Variants in SLC30A3 observed in about 807,000 individuals in gnomAD.
The protein encoded by SLC30A3 is probable proton-coupled zinc antiporter SLC30A3.
SLC30A3 carries 20 observed loss-of-function variants against 35.6 expected under a neutral mutation model. The observed-to-expected ratio is 0.56, with a 90% CI of 0.39 to 0.82. The LOEUF is 0.82. SLC30A3 is among the 40% of genes least tolerant of loss of function. SLC30A3 has a pLI of 0.00. For missense variants in SLC30A3, 401 were observed against 530.6 expected (o/e 0.76, Z 2.40); for synonymous variants, 217 against 224.7 (o/e 0.97, Z 0.31).
chr2:27,268,443 T>A (rs989806308), intron 1 of SLC30A3, among the ~76,000 whole-genome samples: 13 of 152,172 alleles, frequency 8.5e-5, no homozygotes, highest in South Asian at 8.3e-4. Flanking sequence ...TGCGGAGACC[T>A]GTTTGATTGC....
At chr2:27,266,519 T>C (rs1033023161), upstream of SLC30A3, among the ~76,000 whole-genome samples, 1 of 152,186 alleles carries the variant, frequency 6.6e-6, no homozygotes, top group African/African-American at 2.4e-5. Context: ...AAAGTAATGA[T>C]TGTTGAAGCT....
At chr2:27,272,982 G>C (rs1356136018) in intron 1 of SLC30A3, among the ~76,000 whole-genome samples, 4 of 150,076 alleles carry the variant, frequency 2.7e-5, no homozygotes, top group Admixed American at 2.7e-4. Flanking sequence ...AGCCCAGGAA[G>C]TTGTGGCTGC....
intron 1 of SLC30A3, among the ~76,000 whole-genome samples, chr2:27,270,670 T>C (rs1395626476): frequency 6.6e-6 from 1 of 152,166 alleles, no homozygotes; most frequent in Non-Finnish European, 1.5e-5. Flanking sequence ...AGTTTACAGG[T>C]AAGACAGGTG....
At chr2:27,266,060 CT>C (rs1237606332), upstream of SLC30A3, among the ~76,000 whole-genome samples, 1,672 of 136,578 alleles carry the variant, frequency 0.012, 13 homozygotes, top group African/African-American at 0.032. Flanking sequence ...CTGTTTTGTT[CT>C]TTTTTTTTTT....
chr2:27,259,050 G>A (rs1043034847), intron 1 of SLC30A3, 116 bp from the exon 2 acceptor site: 13 of 792,894 alleles, frequency 1.6e-5, no homozygotes, highest in Admixed American at 6.4e-5. Flanking sequence ...AGGCCTGGTC[G>A]TATCTGGGAG....
intron 1 of SLC30A3, chr2:27,275,051 TG>T (rs1262380200): frequency 8.6e-6 from 4 of 465,628 alleles, no homozygotes; most frequent in Middle Eastern, 3.4e-4. Flanking sequence ...GCATATGAGT[TG>T]GGTCTTCCAG....
chr2:27,272,763 G>T (rs1677779939), intron 1 of SLC30A3, among the ~76,000 whole-genome samples: 1 of 151,398 alleles, frequency 6.6e-6, no homozygotes, highest in African/African-American at 2.4e-5. Context: ...ATAAACATAT[G>T]TTCACCAGCT....
chr2:27,268,298 C>A (rs189613650), intron 1 of SLC30A3, among the ~76,000 whole-genome samples: 1 of 152,260 alleles, frequency 6.6e-6, no homozygotes, highest in East Asian at 1.9e-4. Flanking sequence ...ATCATTGTAT[C>A]CAAGGTACTA....
intron 1 of SLC30A3, among the ~76,000 whole-genome samples, chr2:27,261,760 G>A (rs1314360372): frequency 1.3e-5 from 2 of 152,060 alleles, no homozygotes; most frequent in Admixed American, 1.3e-4. Context: ...AAATCAAAAG[G>A]ACACCTGAAG....
In SLC30A3 at chr2:27,257,575, G is replaced by C. The variant is rs1437713969; in HGVS notation, c.579-223C>G. On this transcript the variant is annotated intron_variant, in intron 4 of 7. Transcript: ENST00000233535. The surrounding 1 kb of genome is among the most constrained non-coding windows in gnomAD (Gnocchi z 4.7). ...GTTACTTAAATAGATATGTGACTTGGGCAAGTCACCTGTTGGGATTGACTG... is the reference window on the plus strand; with the variant it reads ...GTTACTTAAATAGATATGTGACTTGCGCAAGTCACCTGTTGGGATTGACTG... 2 of 607,298 alleles carry C rather than the reference G, an allele frequency of 3.3e-6. No homozygotes were observed. Among genetic ancestry groups the C allele is most frequent in the South Asian group, 2.0e-5 (1 of 50,020 alleles). The allele number at this position is 607,298 out of a possible 1,614,324, so 37.6% of individuals were successfully genotyped here.
Position 27,271,449 on chromosome 2 carries a change from A to G in SLC30A3, c.-159+3728T>C, listed in dbSNP as rs1677722528. On this transcript the variant is annotated intron_variant, in intron 1 of 5. Coordinates refer to the SLC30A3 transcript ENST00000424577. The surrounding 1 kb of genome is among the most constrained non-coding windows in gnomAD (Gnocchi z 4.3). ...TTTTAGTCTGTAATCATTCTTTGGC[A>G]GTTATTTTTGGTTTTTTACTTTCAT... Among the ~76,000 whole-genome samples, 1 of 152,232 alleles carries G rather than the reference A, an allele frequency of 6.6e-6. No individual in the cohort carries two copies. Among genetic ancestry groups the G allele is most frequent in the Non-Finnish European group, 1.5e-5 (1 of 68,040 alleles).
At chr2:27,268,269 A>G (rs1311228743) in intron 1 of SLC30A3, among the ~76,000 whole-genome samples, 1 of 152,242 alleles carries the variant, frequency 6.6e-6, no homozygotes, top group East Asian at 1.9e-4. Flanking sequence ...ATGAGGGAAG[A>G]AAAAGAGTTT....
chr2:27,268,550 G>A (rs1219321489), intron 1 of SLC30A3, among the ~76,000 whole-genome samples: 4 of 152,180 alleles, frequency 2.6e-5, no homozygotes, highest in East Asian at 1.9e-4. Context: ...TCAGGAGATC[G>A]AGACCATCCT....
At chr2:27,275,046 T>C (rs1677943608) in intron 1 of SLC30A3, 2 of 445,444 alleles carry the variant, frequency 4.5e-6, no homozygotes, top group Non-Finnish European at 8.6e-6. Flanking sequence ...CAGGGGCATA[T>C]GAGTTGGGTC....
chr2:27,262,705 G>A lies in SLC30A3; in HGVS notation c.95+107C>T, dbSNP rs1677275098. ...GGGTGCAGCGGAGCGAGGGACCCGC[G>A]GTGCGCTGGGGCGGCCGCCGGGGCC... is the stretch of plus-strand genomic sequence containing the variant. On this transcript the variant is annotated intron_variant, in intron 1 of 7. Transcript: ENST00000233535. The surrounding 1 kb of genome is among the most constrained non-coding windows in gnomAD (Gnocchi z 7.5). 8.2e-6 allele frequency: 9 copies of A among 1,097,560 alleles called. No individual in the cohort carries two copies. Among genetic ancestry groups the A allele is most frequent in the Admixed American group, 4.0e-5 (1 of 25,222 alleles). The allele number at this position is 1,097,560 out of a possible 1,614,324, so 68.0% of individuals were successfully genotyped here. A position where few individuals can be genotyped will look rare whatever the true frequency, so the allele number is the denominator to read the frequency against.
rs1572482546 is a variant in SLC30A3, at chr2:27,263,019, C to A, written c.-113G>T. ...CCGGGATCCCCGCAGGGCGGCGGGGCCACCAGAGTGGAGCGAACTGCAGCG... is the reference window on the plus strand; with the variant it reads ...CCGGGATCCCCGCAGGGCGGCGGGGACACCAGAGTGGAGCGAACTGCAGCG... On this transcript the variant is annotated 5_prime_UTR_variant, in exon 1 of 8. Coordinates refer to ENST00000233535, the MANE Select transcript of SLC30A3 (RefSeq NM_003459.5). The A allele has an allele frequency of 1.4e-6, 2 of 1,400,766 alleles. No individual in the cohort carries two copies. The highest frequency in any genetic ancestry group is 1.8e-6 in the Non-Finnish European group (2 of 1,084,614). The allele number at this position is 1,400,766 out of a possible 1,614,324, so 86.8% of individuals were successfully genotyped here. A position where few individuals can be genotyped will look rare whatever the true frequency, so the allele number is the denominator to read the frequency against.
rs1677718987 is a variant in SLC30A3 at position 27,271,337 on chromosome 2, A to AT, written c.-159+3839dup. ...CAAGGGATGCTTCTTCGTTTTCTCC[A>AT]TGAGAGACCAAATGGCTCTGAGTGG... On this transcript the variant is annotated intron_variant, in intron 1 of 5. Coordinates refer to the SLC30A3 transcript ENST00000424577. The surrounding 1 kb of genome is among the most constrained non-coding windows in gnomAD (Gnocchi z 4.3). Among the ~76,000 whole-genome samples, 1 of 152,260 alleles carries AT rather than the reference A, an allele frequency of 6.6e-6. No individual in the cohort carries two copies. The highest frequency in any genetic ancestry group is 2.4e-5 in the African/African-American group (1 of 41,476).
chr2:27,266,417 C>G (rs1343655566), upstream of SLC30A3, among the ~76,000 whole-genome samples: 1 of 152,148 alleles, frequency 6.6e-6, no homozygotes, highest in Non-Finnish European at 1.5e-5. Context: ...TTAGCCTAGG[C>G]CTTGGTCACT....
At chr2:27,264,242 A>G, upstream of SLC30A3, 1 of 408,218 alleles carries the variant, frequency 2.4e-6, no homozygotes, top group South Asian at 1.8e-5. The surrounding 1 kb of genome is among the most constrained non-coding windows in gnomAD (Gnocchi z 6.1). Flanking sequence ...CATCAGCCGC[A>G]TCCTTCAGAA....
Sources: allele counts gnomAD v4.1 joint callset (sites outside exome capture counted in the v4.1 genomes callset), GRCh38; gene constraint gnomAD v4.1.1; non-coding constraint Gnocchi (gnomAD v3.1); transcripts MANE v1.5; gene names NCBI Gene and HGNC (gene_info 2026-07-23, HGNC 2026-07-21).